Variants in GRIA2 observed in about 807,000 individuals in gnomAD.
GRIA2 encodes glutamate receptor 2.
In GRIA2, 14 loss-of-function variants were observed where a neutral mutation model predicts 97.3. The ratio of observed to expected loss-of-function variants is 0.14; its 90% CI spans 0.10 to 0.23. The LOEUF (loss-of-function observed/expected upper bound fraction) is 0.23. Ranked by LOEUF, GRIA2 falls within the 10% of genes least tolerant of loss-of-function variation. The probability of loss-of-function intolerance (pLI) is 1.00; values close to 1 mark genes in which losing one functional copy is unlikely to be tolerated. For synonymous variants in GRIA2, 412 were observed against 387.8 expected, an observed-to-expected ratio of 1.06 and a Z score of -0.73; for missense variants, 558 against 1,069.8, an observed-to-expected ratio of 0.52 and a Z score of 6.67.
chr4:157,346,526 T>C (rs1322145329), intron 12 of GRIA2, among the ~76,000 whole-genome samples: 2 of 152,252 alleles, frequency 1.3e-5, no homozygotes, highest in East Asian at 3.9e-4. Flanking sequence ...ATCTTTCAAA[T>C]CTTTTGGAAA....
chr4:157,245,418 C>A (rs976258037), intron 2 of GRIA2, among the ~76,000 whole-genome samples: 1 of 152,016 alleles, frequency 6.6e-6, no homozygotes, highest in African/African-American at 2.4e-5. Context: ...GGAATAGAGT[C>A]CAACTTATAA....
intron 4 of GRIA2, among the ~76,000 whole-genome samples, chr4:157,317,197 C>T (rs1579358160): frequency 6.6e-6 from 1 of 152,050 alleles, no homozygotes; most frequent in East Asian, 1.9e-4. Context: ...GTATGTAGTA[C>T]TATAAACTCT....
intron 2 of GRIA2, among the ~76,000 whole-genome samples, chr4:157,257,938 C>T (rs1731351386): frequency 6.6e-6 from 1 of 152,050 alleles, no homozygotes; most frequent in Non-Finnish European, 1.5e-5. Flanking sequence ...TTTCTTACAC[C>T]TGTCTTTACT....
chr4:157,268,758 A>T (rs1731881494), intron 2 of GRIA2, among the ~76,000 whole-genome samples: 1 of 152,030 alleles, frequency 6.6e-6, no homozygotes, highest in African/African-American at 2.4e-5. Flanking sequence ...AAATTATTCA[A>T]CTTTAAATTC....
intron 2 of GRIA2, among the ~76,000 whole-genome samples, chr4:157,224,071 A>G (rs1371298081): frequency 6.6e-6 from 1 of 152,144 alleles, no homozygotes; most frequent in Admixed American, 6.5e-5. Context: ...CAACATGTGG[A>G]CTTCTTTTAA....
chr4:157,282,621 G>A (rs1247946372), intron 2 of GRIA2, among the ~76,000 whole-genome samples: 1 of 151,978 alleles, frequency 6.6e-6, no homozygotes, highest in African/African-American at 2.4e-5. Context: ...ATCAAGGAGG[G>A]ATGAGAAGGA....
intron 2 of GRIA2, among the ~76,000 whole-genome samples, chr4:157,254,570 T>G (rs1462237078): frequency 6.6e-6 from 1 of 151,994 alleles, no homozygotes; most frequent in South Asian, 2.1e-4. Flanking sequence ...AATGCAATAA[T>G]AAGAAGAGAT....
intron 6 of GRIA2, among the ~76,000 whole-genome samples, chr4:157,328,110 G>T (rs1258460816): frequency 6.6e-6 from 1 of 151,874 alleles, no homozygotes; most frequent in Non-Finnish European, 1.5e-5. Flanking sequence ...TGATAAGATT[G>T]TTTATTTTGT....
At chr4:157,307,097 T>C (rs1348248992) in intron 3 of GRIA2, among the ~76,000 whole-genome samples, 6 of 152,198 alleles carry the variant, frequency 3.9e-5, no homozygotes, top group Admixed American at 6.5e-5. Context: ...GTCAGGAATA[T>C]ATATTGGTTA....
At chr4:157,352,785 G>A (rs1454994359) in intron 12 of GRIA2, among the ~76,000 whole-genome samples, 1 of 151,532 alleles carries the variant, frequency 6.6e-6, no homozygotes, top group East Asian at 1.9e-4. Flanking sequence ...CGGCATGGTG[G>A]TGCACACCCA....
rs578233759 is a variant in GRIA2, at chr4:157,255,805, A to G, written c.229+33998A>G. ...CGTAACAAAAACCAAATAAACAACCATAACATAAAAACCAAATAACCCTAT... is the reference window on the plus strand; with the variant it reads ...CGTAACAAAAACCAAATAAACAACCGTAACATAAAAACCAAATAACCCTAT... On this transcript the variant is annotated intron_variant, in intron 2 of 15. Coordinates refer to ENST00000264426, the MANE Select transcript of GRIA2 (RefSeq NM_001083619.3). Among the ~76,000 whole-genome samples, 359 of 152,014 alleles carry G rather than the reference A, an allele frequency of 2.4e-3. 1 individual carries two copies. The highest frequency in any genetic ancestry group is 8.4e-3 in the African/African-American group (348 of 41,526).
At chr4:157,303,417 G>A (rs769903083) in intron 2 of GRIA2, 135 bp from the exon 3 acceptor site, 3 of 701,298 alleles carry the variant, frequency 4.3e-6, no homozygotes, top group Non-Finnish European at 7.1e-6. Context: ...AAATTACAAT[G>A]GATCATTAAA....
chr4:157,328,473 T>A (rs774355825), intron 6 of GRIA2, among the ~76,000 whole-genome samples: 1 of 152,052 alleles, frequency 6.6e-6, no homozygotes, highest in Non-Finnish European at 1.5e-5. Context: ...ACAATGTATA[T>A]TTTGTTTTTC....
At chr4:157,343,938 A>G (rs1735658850) in intron 12 of GRIA2, among the ~76,000 whole-genome samples, 1 of 152,104 alleles carries the variant, frequency 6.6e-6, no homozygotes, top group Non-Finnish European at 1.5e-5. Flanking sequence ...TGCCATGATG[A>G]TAATAGTAAG....
At chr4:157,222,533 G>A (rs1410108684) in intron 2 of GRIA2, among the ~76,000 whole-genome samples, 1 of 152,236 alleles carries the variant, frequency 6.6e-6, no homozygotes, top group African/African-American at 2.4e-5. Flanking sequence ...GCTCAGTTGC[G>A]CTTCCGCTTA....
chr4:157,269,963 T>C (rs1731944328), intron 2 of GRIA2, among the ~76,000 whole-genome samples: 1 of 152,036 alleles, frequency 6.6e-6, no homozygotes, highest in African/African-American at 2.4e-5. Flanking sequence ...TAAACTCGGA[T>C]TTTTCTATCT....
intron 12 of GRIA2, among the ~76,000 whole-genome samples, chr4:157,358,856 TG>T (rs1270022528): frequency 6.6e-6 from 1 of 152,174 alleles, no homozygotes; most frequent in Non-Finnish European, 1.5e-5. Context: ...GTCTGCTTTT[TG>T]TAAGGTAAAA....
At chr4:157,338,303 CTA>C (rs1048079115) in intron 11 of GRIA2, among the ~76,000 whole-genome samples, 1 of 151,616 alleles carries the variant, frequency 6.6e-6, no homozygotes, top group African/African-American at 2.4e-5. Context: ...ATATCCTGTG[CTA>C]TGTCTTTTGG....
chr4:157,225,464 A>G (rs912262741), intron 2 of GRIA2, among the ~76,000 whole-genome samples: 2 of 152,048 alleles, frequency 1.3e-5, no homozygotes, highest in African/African-American at 4.8e-5. Context: ...TTAAAAATAC[A>G]AAGCATAAAA....
Sources: allele counts gnomAD v4.1 joint callset (sites outside exome capture counted in the v4.1 genomes callset), GRCh38; gene constraint gnomAD v4.1.1; transcripts MANE v1.5; gene names NCBI Gene and HGNC (gene_info 2026-07-23, HGNC 2026-07-21).